The following KCNK5 variants were observed in gnomAD, a reference collection of about 807,000 sequenced individuals.
KCNK5 encodes potassium channel subfamily K member 5.
A neutral mutation model predicts 32.9 loss-of-function variants in KCNK5; 18 were observed. The observed-to-expected ratio is 0.55, with a 90% CI of 0.38 to 0.81. KCNK5 has a LOEUF of 0.81. Among genes scored for constraint, KCNK5 ranks in the 30% least tolerant of loss-of-function variants. The probability of loss-of-function intolerance (pLI) is 0.00; values close to 1 mark genes in which losing one functional copy is unlikely to be tolerated. For synonymous variants in KCNK5, 276 were observed against 275.3 expected (o/e 1.00, Z -0.03); for missense variants, 507 against 651.0 (o/e 0.78, Z 2.41).
intron 1 of KCNK5, among the ~76,000 whole-genome samples, chr6:39,207,666 G>A (rs1771254335): frequency 6.6e-6 from 1 of 152,146 alleles, no homozygotes; most frequent in Non-Finnish European, 1.5e-5. Flanking sequence ...GGTAGGAGCT[G>A]AGGGATACCA....
At chr6:39,196,248 T>C (rs1771028914) in intron 1 of KCNK5, among the ~76,000 whole-genome samples, 1 of 152,166 alleles carries the variant, frequency 6.6e-6, no homozygotes, top group African/African-American at 2.4e-5. Flanking sequence ...CTTACTAGCA[T>C]GCACCAGGAT....
At chr6:39,223,507 CA>C (rs773898841) in intron 1 of KCNK5, among the ~76,000 whole-genome samples, 13 of 152,348 alleles carry the variant, frequency 8.5e-5, no homozygotes, top group Non-Finnish European at 1.8e-4. Flanking sequence ...TGGAAGGAGG[CA>C]AACCTATTTC....
intron 1 of KCNK5, among the ~76,000 whole-genome samples, chr6:39,207,911 G>A (rs1437587637): frequency 6.6e-6 from 1 of 152,068 alleles, no homozygotes; most frequent in East Asian, 1.9e-4. Flanking sequence ...GGAGGAAGCT[G>A]GCTCCTGACC....
intron 1 of KCNK5, among the ~76,000 whole-genome samples, chr6:39,207,881 G>A (rs1258167281): frequency 5.3e-5 from 8 of 152,038 alleles, no homozygotes; most frequent in African/African-American, 1.7e-4. Context: ...CGCCAATACC[G>A]CCAGACTCCT....
intron 4 of KCNK5, among the ~76,000 whole-genome samples, chr6:39,192,283 CAAAAAAAAA>C (rs1226626372): frequency 1.9e-4 from 9 of 46,718 alleles, no homozygotes; most frequent in East Asian, 7.2e-4. Flanking sequence ...GACTCCGTCT[CAAAAAAAAA>C]AAAAAAAAAA....
At position 39,228,838 on chromosome 6, in the gene KCNK5, C is replaced by A. The variant is rs531005988; in HGVS notation, c.186+88G>T. 493 of 1,356,818 alleles carry A rather than the reference C, an allele frequency of 3.6e-4. 2 individuals carry two copies. The highest frequency in any genetic ancestry group is 1.6e-3 in the Admixed American group (87 of 55,302). The allele number at this position is 1,356,818 out of a possible 1,614,324, so 84.0% of individuals were successfully genotyped here. ...GACCTTCCACAGGGACTGAGGGTCA[C>A]CCAAAGCTGTGAAGGGGTCTTCCTT... On this transcript the variant is annotated intron_variant, in intron 1 of 4. Coordinates refer to ENST00000359534, the MANE Select transcript of KCNK5 (RefSeq NM_003740.4).
At chr6:39,204,849 C>T (rs546415481) in intron 1 of KCNK5, among the ~76,000 whole-genome samples, 22 of 152,376 alleles carry the variant, frequency 1.4e-4, no homozygotes, top group African/African-American at 5.3e-4. Flanking sequence ...TCTCAGCAGT[C>T]TCTGCAGAGC....
intron 1 of KCNK5, among the ~76,000 whole-genome samples, chr6:39,205,481 A>G (rs1771207928): frequency 6.6e-6 from 1 of 152,120 alleles, no homozygotes; most frequent in South Asian, 2.1e-4. Flanking sequence ...TCTCTACCCC[A>G]ATTCACAACC....
intron 1 of KCNK5, among the ~76,000 whole-genome samples, chr6:39,222,275 G>C (rs1416470492): frequency 6.6e-6 from 1 of 152,318 alleles, no homozygotes; most frequent in Middle Eastern, 3.4e-3. Context: ...AAGGTCAGTG[G>C]GTTTTTCTGG....
At chr6:39,224,827 G>C (rs1003628396) in intron 1 of KCNK5, among the ~76,000 whole-genome samples, 1 of 151,986 alleles carries the variant, frequency 6.6e-6, no homozygotes, top group African/African-American at 2.4e-5. Flanking sequence ...CCCAGGCTAG[G>C]AGAAAGGGCC....
chr6:39,207,972 TG>T (rs1771259255), intron 1 of KCNK5, among the ~76,000 whole-genome samples: 1 of 152,064 alleles, frequency 6.6e-6, no homozygotes, highest in South Asian at 2.1e-4. Flanking sequence ...TGAACACAGT[TG>T]GGGCTGACAC....
chr6:39,195,820 G>A, intron 2 of KCNK5, 56 bp downstream of exon 2: 1 of 1,296,766 alleles, frequency 7.7e-7, no homozygotes, highest in East Asian at 2.3e-5. Flanking sequence ...TTTCTAGAAA[G>A]GTTCTGAGGA....
chr6:39,208,468 A>T (rs944156495), intron 1 of KCNK5, among the ~76,000 whole-genome samples: 2 of 152,176 alleles, frequency 1.3e-5, no homozygotes, highest in African/African-American at 4.8e-5. Flanking sequence ...TCCTCCTGAG[A>T]GCCAACCACC....
chr6:39,217,598 TC>T (rs1405430348), intron 1 of KCNK5, among the ~76,000 whole-genome samples: 1 of 152,112 alleles, frequency 6.6e-6, no homozygotes, highest in Non-Finnish European at 1.5e-5. Flanking sequence ...TTACATAACC[TC>T]CAAAGGTCTG....
intron 1 of KCNK5, among the ~76,000 whole-genome samples, chr6:39,197,857 G>GC (rs1175047679): frequency 6.6e-6 from 1 of 152,204 alleles, no homozygotes; most frequent in Non-Finnish European, 1.5e-5. Context: ...GATCACAGGT[G>GC]AGGCTGCAGC....
At chr6:39,192,703 C>G (rs886187074) in intron 4 of KCNK5, among the ~76,000 whole-genome samples, 2 of 152,170 alleles carry the variant, frequency 1.3e-5, no homozygotes, top group African/African-American at 4.8e-5. Flanking sequence ...CTCCACATCC[C>G]CCTCCTGCTG....
intron 1 of KCNK5, among the ~76,000 whole-genome samples, chr6:39,204,182 A>C (rs1291135058): frequency 6.6e-6 from 1 of 152,240 alleles, no homozygotes; most frequent in Non-Finnish European, 1.5e-5. Context: ...CTCTTTTCTC[A>C]GATTTGCTCT....
chr6:39,220,095 T>A (rs59403189), intron 1 of KCNK5, among the ~76,000 whole-genome samples: 6,305 of 152,272 alleles, frequency 0.041, 414 homozygotes, highest in African/African-American at 0.14. Context: ...GGCTCTGCTG[T>A]GTCCTCCCCA....
chr6:39,194,280 G>A lies in KCNK5; in HGVS notation c.523C>T (p.Leu175=), dbSNP rs1425181351. Residue 175 remains leucine (L), a synonymous_variant, in exon 4 of 5, where the codon CTG becomes TTG. Transcript: ENST00000359534. The surrounding 1 kb of genome is among the most constrained non-coding windows in gnomAD (Gnocchi z 4.7). The part of the protein sequence containing the change: ...IFIVWGVLVH[L]VIPPFVFMVT... ...ATGAATACGAAGGGTGGGATCACCAGGTGGACTAGGACGCCCCACACGATG... is the reference window on the plus strand; with the variant it reads ...ATGAATACGAAGGGTGGGATCACCAAGTGGACTAGGACGCCCCACACGATG... 1 of 1,614,102 alleles carries A rather than the reference G, an allele frequency of 6.2e-7. No individual in the cohort carries two copies.
Sources: gnomAD v4.1 joint callset for allele counts (sites outside exome capture counted in the v4.1 genomes callset) on GRCh38, gnomAD v4.1.1 for gene constraint, Gnocchi (gnomAD v3.1) non-coding constraint, MANE v1.5 for transcripts, NCBI Gene and HGNC (gene_info 2026-07-23, HGNC 2026-07-21) for gene names.